GOLM1: variants seen among roughly 807,000 people sequenced by gnomAD.
GOLM1 encodes golgi membrane protein 1.
Under a neutral mutation model 50.5 loss-of-function variants are expected in GOLM1, and 31 were observed. The observed-to-expected ratio is 0.61, with a 90% CI of 0.46 to 0.83. GOLM1 has a LOEUF of 0.83. Ranked by LOEUF, GOLM1 falls within the 40% of genes least tolerant of loss-of-function variation. The probability of loss-of-function intolerance (pLI) is 0.00; values close to 1 mark genes in which losing one functional copy is unlikely to be tolerated. For synonymous variants in GOLM1, 178 were observed against 192.8 expected, an observed-to-expected ratio of 0.92 and a Z score of 0.64; for missense variants, 491 against 501.3, an observed-to-expected ratio of 0.98 and a Z score of 0.20.
At chr9:86,053,112 ACACACCACAC>A (rs919277170) in intron 3 of GOLM1, among the ~76,000 whole-genome samples, 14 of 131,890 alleles carry the variant, frequency 1.1e-4, no homozygotes, top group African/African-American at 4.1e-4. Flanking sequence ...TCCACACCAC[ACACACCACAC>A]CACACACCAC....
intron 3 of GOLM1, among the ~76,000 whole-genome samples, chr9:86,076,310 A>G (rs1297486543): frequency 1.3e-5 from 2 of 150,828 alleles, no homozygotes; most frequent in Non-Finnish European, 2.9e-5. Context: ...AGTCCCAGCT[A>G]CTTGGGAGGC....
rs76419833 is a variant in GOLM1 at position 86,038,504 on chromosome 9, T to C, written c.598-1997A>G. ...CTTCCACGTGGGAGAAGGAAGCTAC[T>C]CAACTCCAGCCCATTCCAGCCACTT... On this transcript the variant is annotated intron_variant, in intron 6 of 9. Coordinates refer to ENST00000388712, the MANE Select transcript of GOLM1 (RefSeq NM_016548.4). Among the ~76,000 whole-genome samples the C allele has an allele frequency of 4.6e-4, 70 of 152,276 alleles. No individual in the cohort carries two copies. In the East Asian group the frequency reaches 0.011, roughly 24 times the overall value.
chr9:86,083,447 C>G (rs757067994), intron 1 of GOLM1, among the ~76,000 whole-genome samples: 1 of 152,256 alleles, frequency 6.6e-6, no homozygotes, highest in African/African-American at 2.4e-5. Flanking sequence ...TGCAGTGGCA[C>G]GAACTTGGCT....
rs962428278 is a variant in GOLM1 at position 86,027,454 on chromosome 9, C to T, written c.*363G>A. 2.9e-6 allele frequency: 3 copies of T among 1,039,462 alleles called. No individual in the cohort carries two copies. The highest frequency in any genetic ancestry group is 5.5e-5 in the Admixed American group (1 of 18,178). 64.4% of individuals were successfully genotyped at this position (1,039,462 alleles called of 1,614,324 possible). A position where few individuals can be genotyped will look rare whatever the true frequency, so the allele number is the denominator to read the frequency against. Reference sequence around the variant, plus strand: ...AGAGTTCTCTGTCTCTCCTTCACAGCAGATGGACTCTTCTATAGGTGGCTG... The same window carrying T: ...AGAGTTCTCTGTCTCTCCTTCACAGTAGATGGACTCTTCTATAGGTGGCTG... On this transcript the variant is annotated 3_prime_UTR_variant, in exon 10 of 10. Transcript: ENST00000388712.
At chr9:86,040,597 G>A in intron 6 of GOLM1, 142 bp downstream of exon 6, 1 of 713,528 alleles carries the variant, frequency 1.4e-6, no homozygotes, top group Non-Finnish European at 2.3e-6. Flanking sequence ...CCCAGTACCA[G>A]GTTCTGCTCT....
rs113244935 is a variant in GOLM1, at chr9:86,095,289, C to T, written c.-22+4122G>A. ...TGTCACCCAGGCTGGAGTGCAGTGG[C>T]GCAATCTCAGCTGTCTGTAACCTCT... On this transcript the variant is annotated intron_variant, in intron 1 of 9. Coordinates refer to ENST00000388712, the MANE Select transcript of GOLM1 (RefSeq NM_016548.4). Among the ~76,000 whole-genome samples, 11 of 151,924 alleles carry T rather than the reference C, an allele frequency of 7.2e-5. 1 individual carries two copies. The highest frequency in any genetic ancestry group is 2.1e-4 in the South Asian group (1 of 4,818).
rs2118927283 is a variant in GOLM1, at chr9:86,099,453, C to A, written c.-64G>T. 6.6e-6 allele frequency: 1 copy of A among 151,518 alleles called. No individual in the cohort carries two copies. Among genetic ancestry groups the A allele is most frequent in the Admixed American group, 6.6e-5 (1 of 15,232 alleles). The allele number at this position is 151,518 out of a possible 1,614,324, so 9.4% of individuals were successfully genotyped here. ...GCCGCCACTCGGGGATCCGGGGCCC[C>A]GCTACGAGGCCGCCCGGGTCGCTCT... is the stretch of plus-strand genomic sequence containing the variant. On this transcript the variant is annotated 5_prime_UTR_variant, in exon 1 of 10. Coordinates refer to ENST00000388712, the MANE Select transcript of GOLM1 (RefSeq NM_016548.4).
intron 3 of GOLM1, among the ~76,000 whole-genome samples, chr9:86,061,008 G>A (rs112627713): frequency 1.7e-4 from 25 of 150,084 alleles, no homozygotes; most frequent in African/African-American, 5.6e-4. Context: ...TATGATCATG[G>A]TATTGTGGCT....
chr9:86,053,636 A>C (rs1444917843), intron 3 of GOLM1, among the ~76,000 whole-genome samples: 53 of 2,786 alleles, frequency 0.019, 2 homozygotes, highest in Admixed American at 0.03. Flanking sequence ...TCACTACAAA[A>C]CACACACCAC....
rs1370832279 is a variant in GOLM1, at chr9:86,035,874, AAAAC to A, written c.758-253_758-250del. 2.0e-4 allele frequency among the ~76,000 whole-genome samples: 26 copies of A among 128,668 alleles called. 2 individuals carry two copies. The highest frequency in any genetic ancestry group is 7.7e-4 in the African/African-American group (25 of 32,576). The allele number at this position is 128,668 out of a possible 152,430, so 84.4% of individuals were successfully genotyped here. On this transcript the variant is annotated intron_variant, in intron 7 of 9. Coordinates refer to ENST00000388712, the MANE Select transcript of GOLM1 (RefSeq NM_016548.4). Reference sequence around the variant, plus strand: ...AGGGAAAAGTAGCTTACCAAAAAAAAAAACAAAACAAAAAAAAAAAAACACCTGG... The same window carrying A: ...AGGGAAAAGTAGCTTACCAAAAAAAAAAAACAAAAAAAAAAAAACACCTGG...
chr9:86,062,137 T>A (rs112989621), intron 3 of GOLM1, among the ~76,000 whole-genome samples: 2,641 of 152,080 alleles, frequency 0.017, 44 homozygotes, highest in Non-Finnish European at 0.027. Flanking sequence ...GAAGGTAACA[T>A]CCTCCCACCC....
intron 3 of GOLM1, among the ~76,000 whole-genome samples, chr9:86,068,058 G>A (rs1587724761): frequency 1.3e-5 from 2 of 151,940 alleles, no homozygotes; most frequent in East Asian, 1.9e-4. Flanking sequence ...CAAGGTCTAC[G>A]CAGATGTACT....
At chr9:86,066,771 C>T (rs757710501) in intron 3 of GOLM1, among the ~76,000 whole-genome samples, 5 of 152,110 alleles carry the variant, frequency 3.3e-5, no homozygotes, top group Non-Finnish European at 5.9e-5. Context: ...TTTCCCTTCA[C>T]GAAGTGCTAG....
chr9:86,036,874 G>T, intron 6 of GOLM1: 1 of 205,694 alleles, frequency 4.9e-6, no homozygotes, highest in Non-Finnish European at 9.6e-6. Flanking sequence ...AGCCTAGCAA[G>T]GGCAAACACA....
intron 3 of GOLM1, among the ~76,000 whole-genome samples, chr9:86,058,915 T>C (rs1367802760): frequency 1.3e-5 from 2 of 152,052 alleles, no homozygotes; most frequent in Non-Finnish European, 2.9e-5. Context: ...GGAGAATCGC[T>C]TGAATCCAGG....
chr9:86,035,456 GCTCA>G lies in GOLM1; in HGVS notation c.923_926del (p.Val308AlafsTer37). 1 of 1,613,764 alleles carries G rather than the reference GCTCA, an allele frequency of 6.2e-7. No homozygotes were observed. Among genetic ancestry groups the G allele is most frequent in the Non-Finnish European group, 8.5e-7 (1 of 1,179,984 alleles). ...GGCCCTCCATCTCTGGATTTTCCTGGCTCACTGACAGGGCAGCCTGCACCTGTGG... is the reference window on the plus strand; with the variant it reads ...GGCCCTCCATCTCTGGATTTTCCTGGCTGACAGGGCAGCCTGCACCTGTGG... On this transcript the variant is annotated frameshift_variant, in exon 8 of 10. Transcript: ENST00000388712. LOFTEE classifies it high-confidence loss of function.
chr9:86,043,496 T>G (rs1368669938), intron 5 of GOLM1, among the ~76,000 whole-genome samples: 1 of 152,206 alleles, frequency 6.6e-6, no homozygotes, highest in East Asian at 1.9e-4. Context: ...TTTAGGCAGG[T>G]GTCCATTTAT....
chr9:86,079,150 C>A, intron 2 of GOLM1, 42 bp downstream of exon 2: 1 of 1,469,070 alleles, frequency 6.8e-7, no homozygotes, highest in Non-Finnish European at 9.1e-7. Context: ...ATAAACAAAA[C>A]ATAAACATAA....
chr9:86,028,669 C>T (rs1042843453), intron 9 of GOLM1, among the ~76,000 whole-genome samples: 1 of 152,134 alleles, frequency 6.6e-6, no homozygotes, highest in East Asian at 1.9e-4. Context: ...GCAACACACA[C>T]CCAGTGGGGC....
Sources: allele counts gnomAD v4.1 joint callset (sites outside exome capture counted in the v4.1 genomes callset), GRCh38; gene constraint gnomAD v4.1.1; transcripts MANE v1.5; gene names NCBI Gene and HGNC (gene_info 2026-07-23, HGNC 2026-07-21).